Variants in RHPN2 observed in about 807,000 individuals in gnomAD.
RHPN2 encodes the protein rhophilin Rho GTPase binding protein 2.
In RHPN2, 40 loss-of-function variants were observed where a neutral mutation model predicts 79.0. The ratio of observed to expected loss-of-function variants is 0.51; its 90% CI spans 0.39 to 0.66. RHPN2 has a LOEUF of 0.66. RHPN2 is among the 30% of genes least tolerant of loss of function. The probability of loss-of-function intolerance (pLI) is 0.00; values close to 1 mark genes in which losing one functional copy is unlikely to be tolerated. For synonymous variants in RHPN2, 285 were observed against 363.5 expected (o/e 0.78, Z 2.46); for missense variants, 686 against 883.5 (o/e 0.78, Z 2.83).
intron 1 of RHPN2, among the ~76,000 whole-genome samples, chr19:33,061,776 G>A (rs1395227453): frequency 1.3e-5 from 2 of 151,798 alleles, no homozygotes; most frequent in Non-Finnish European, 1.5e-5. Context: ...GAGCCACCAC[G>A]CCTGGTCAGC....
At chr19:33,005,251 C>T (rs1020043068) in intron 7 of RHPN2, among the ~76,000 whole-genome samples, 2 of 151,356 alleles carry the variant, frequency 1.3e-5, no homozygotes, top group Non-Finnish European at 2.9e-5. Flanking sequence ...CCATCTCTAC[C>T]AAAAATACAA....
chr19:32,996,063 A>T lies in RHPN2; in HGVS notation c.1383T>A (p.Asp461Glu). ...GGGCGTCGATCAGGTTCAGCAGGTCATCCTCCTCCTGGTGCTGGGCGTACG... is the reference window on the plus strand; with the variant it reads ...GGGCGTCGATCAGGTTCAGCAGGTCTTCCTCCTCCTGGTGCTGGGCGTACG... ...RLTYAQHQEE[D>E]DLLNLIDAPS... Residue 461 changes from aspartate to glutamate, a missense_variant, in exon 11 of 15, where the codon GAT (aspartate) becomes GAA (glutamate). Coordinates refer to ENST00000254260, the MANE Select transcript of RHPN2 (RefSeq NM_033103.5). 6.2e-7 allele frequency: 1 copy of T among 1,613,982 alleles called. No individual in the cohort carries two copies. Among genetic ancestry groups the T allele is most frequent in the Non-Finnish European group, 8.5e-7 (1 of 1,179,862 alleles).
intron 7 of RHPN2, among the ~76,000 whole-genome samples, chr19:33,007,621 C>T (rs1452253555): frequency 6.6e-6 from 1 of 152,128 alleles, no homozygotes; most frequent in Non-Finnish European, 1.5e-5. Flanking sequence ...TTCTGCTCTT[C>T]ATGACAGTGT....
At chr19:33,062,044 G>A (rs1366686145) in intron 1 of RHPN2, among the ~76,000 whole-genome samples, 1 of 152,092 alleles carries the variant, frequency 6.6e-6, no homozygotes, top group African/African-American at 2.4e-5. Flanking sequence ...ATTTTCCTAG[G>A]ATAAATAGAC....
intron 1 of RHPN2, among the ~76,000 whole-genome samples, chr19:33,059,031 G>A (rs1045382541): frequency 4.6e-5 from 7 of 152,084 alleles, no homozygotes; most frequent in Middle Eastern, 6.8e-3. Flanking sequence ...GGAGGTGAAG[G>A]TTGCGGGGAG....
At chr19:33,039,611 A>G (rs8110492) in intron 2 of RHPN2, among the ~76,000 whole-genome samples, 24,319 of 152,036 alleles carry the variant, frequency 0.16, 2,438 homozygotes, top group East Asian at 0.31. Context: ...GCTGAGGCAG[A>G]CAGATCACTT....
At chr19:33,041,323 A>C (rs965836223) in intron 2 of RHPN2, among the ~76,000 whole-genome samples, 2 of 152,226 alleles carry the variant, frequency 1.3e-5, no homozygotes, top group Non-Finnish European at 2.9e-5. Context: ...CTGCAGAGAC[A>C]GCCACGTAAT....
chr19:33,019,585 AAAAG>A (rs757659454), intron 4 of RHPN2, among the ~76,000 whole-genome samples: 1 of 150,372 alleles, frequency 6.7e-6, no homozygotes, highest in African/African-American at 2.4e-5. Context: ...ATCTCAATAA[AAAAG>A]AAAGAAAGAA....
chr19:33,057,887 C>T (rs1309724742), intron 1 of RHPN2, among the ~76,000 whole-genome samples: 5 of 150,420 alleles, frequency 3.3e-5, no homozygotes, highest in Non-Finnish European at 5.9e-5. Context: ...GGGCTCGGCG[C>T]AGTGGCTCAC....
chr19:32,997,041 A>C (rs895652432), intron 10 of RHPN2, among the ~76,000 whole-genome samples: 2 of 152,146 alleles, frequency 1.3e-5, no homozygotes, highest in Admixed American at 1.3e-4. Context: ...GACCACAGGC[A>C]TGCACCACCA....
rs138388939 is a variant in RHPN2, at chr19:32,997,524, C to T, written c.1226-1304G>A. On this transcript the variant is annotated intron_variant, in intron 10 of 14. Coordinates refer to ENST00000254260, the MANE Select transcript of RHPN2 (RefSeq NM_033103.5). ...TTCTTTCTTGAGACGGAGTCTTGCTCTGTCACCCAGGCTGGAATGCAGTGG... is the reference window on the plus strand; with the variant it reads ...TTCTTTCTTGAGACGGAGTCTTGCTTTGTCACCCAGGCTGGAATGCAGTGG... 4.5e-3 allele frequency among the ~76,000 whole-genome samples: 675 copies of T among 151,250 alleles called. 9 individuals carry two copies. The highest frequency in any genetic ancestry group is 0.015 in the African/African-American group (636 of 41,154).
intron 2 of RHPN2, among the ~76,000 whole-genome samples, chr19:33,038,140 A>G (rs1972073420): frequency 1.3e-5 from 2 of 152,056 alleles, no homozygotes; most frequent in Admixed American, 1.3e-4. Context: ...ACTTGAGGTC[A>G]GGAGTTTGAG....
chr19:33,036,494 C>A (rs1202155723), intron 2 of RHPN2, among the ~76,000 whole-genome samples: 1 of 152,194 alleles, frequency 6.6e-6, no homozygotes, highest in Non-Finnish European at 1.5e-5. Context: ...TCACAGCCCT[C>A]GCTTGCTCTT....
intron 2 of RHPN2, among the ~76,000 whole-genome samples, chr19:33,042,749 C>T (rs550693371): frequency 1.3e-5 from 2 of 151,996 alleles, no homozygotes; most frequent in Non-Finnish European, 2.9e-5. Flanking sequence ...CTGGGCAACA[C>T]AGCAAGACCC....
chr19:33,011,721 C>T lies in RHPN2; in HGVS notation c.551G>A (p.Arg184Gln). ...YFIQLGFVES[R>Q]FFPPTRQMGL... ...CATCTGCCGTGTGGGCGGGAAGAAT[C>T]GACTCTCGACAAAGCCCAGCTGGAT... The change falls in exon 6 of 15, where the codon CGA becomes CAA. Residue 184 changes from arginine to glutamine, a missense_variant. Arg to Gln is a conservative substitution (Grantham distance 43). Transcript: ENST00000254260. 1 of 1,613,928 alleles carries T rather than the reference C, an allele frequency of 6.2e-7. No homozygotes were observed. Among genetic ancestry groups the T allele is most frequent in the Non-Finnish European group, 8.5e-7 (1 of 1,179,856 alleles).
At position 33,064,885 on chromosome 19, in the gene RHPN2, G is replaced by A; in HGVS notation, c.-33C>T. The A allele has an allele frequency of 6.7e-7, 1 of 1,487,034 alleles. No homozygotes were observed. The highest frequency in any genetic ancestry group is 2.2e-5 in the Admixed American group (1 of 45,488). The allele number at this position is 1,487,034 out of a possible 1,614,324, so 92.1% of individuals were successfully genotyped here. On this transcript the variant is annotated 5_prime_UTR_variant, in exon 1 of 15. Transcript: ENST00000254260. ...GCGCGGGCGCGGAGGGCGGACGGCG[G>A]ACTGAGGCGCGGCGGCTGAGGCTGG...
At position 33,036,984 on chromosome 19, in the gene RHPN2, C is replaced by T. The variant is rs572855850; in HGVS notation, c.185+7265G>A. ...CCGACCACCCAAGGGCTGACGAGTG[C>T]GGGCGCAGGGCGCCGGACTGGCAGG... On this transcript the variant is annotated intron_variant, in intron 2 of 14. Transcript: ENST00000254260. Among the ~76,000 whole-genome samples, 662 of 152,312 alleles carry T rather than the reference C, an allele frequency of 4.3e-3. 6 individuals are homozygous for T. The highest frequency in any genetic ancestry group is 0.015 in the African/African-American group (631 of 41,552).
At chr19:33,013,012 A>G (rs1357704780) in intron 4 of RHPN2, among the ~76,000 whole-genome samples, 1 of 151,564 alleles carries the variant, frequency 6.6e-6, no homozygotes, top group African/African-American at 2.4e-5. Context: ...AGGAGCTGGG[A>G]TTACAGGCGC....
At position 32,996,006 on chromosome 19, in the gene RHPN2, A is replaced by C. The variant is rs745863269; in HGVS notation, c.1420+20T>G. 4 of 1,613,368 alleles carry C rather than the reference A, an allele frequency of 2.5e-6. No individual in the cohort carries two copies. The East Asian group carries it at 8.9e-5, about 36-fold the overall frequency. On this transcript the variant is annotated intron_variant, in intron 11 of 14. Coordinates refer to ENST00000254260, the MANE Select transcript of RHPN2 (RefSeq NM_033103.5). ...CGGCACAGGCACCCCCACAGAGGGA[A>C]CACAGTCTAGGCTACTCACCAACAA... is the stretch of plus-strand genomic sequence containing the variant.
Sources: allele counts gnomAD v4.1 joint callset (sites outside exome capture counted in the v4.1 genomes callset), GRCh38; gene constraint gnomAD v4.1.1; transcripts MANE v1.5; gene names NCBI Gene and HGNC (gene_info 2026-07-23, HGNC 2026-07-21).